Variants in USP45 observed in about 807,000 individuals in gnomAD.
The protein encoded by USP45 is ubiquitin carboxyl-terminal hydrolase 45.
USP45 carries 89 observed loss-of-function variants against 95.8 expected under a neutral mutation model. The observed-to-expected ratio is 0.93, with a 90% CI of 0.78 to 1.11. USP45 has a LOEUF of 1.11. Ranked by LOEUF, USP45 falls within the 50% of genes least tolerant of loss-of-function variation. USP45 has a pLI of 0.00. For missense variants in USP45, 898 were observed against 942.5 expected (o/e 0.95, Z 0.62); for synonymous variants, 281 against 316.2 (o/e 0.89, Z 1.18).
intron 8 of USP45, among the ~76,000 whole-genome samples, chr6:99,481,214 T>C (rs926575052): frequency 2.0e-5 from 3 of 152,252 alleles, no homozygotes; most frequent in African/African-American, 4.8e-5. Context: ...GAGTAAGTTA[T>C]ACACACATGT....
chr6:99,466,984 A>G (rs2128636013), intron 10 of USP45, among the ~76,000 whole-genome samples: 2 of 152,300 alleles, frequency 1.3e-5, no homozygotes, highest in South Asian at 4.1e-4. Context: ...GAAATAATGA[A>G]CTATTCTTAA....
chr6:99,515,856 C>T (rs1216104557), upstream of USP45, among the ~76,000 whole-genome samples: 2 of 144,534 alleles, frequency 1.4e-5, no homozygotes, highest in Non-Finnish European at 3.0e-5. Context: ...CTCACTGCAA[C>T]CTCCGCCTAC....
At chr6:99,489,287 T>G (rs528621745) in intron 5 of USP45, among the ~76,000 whole-genome samples, 2 of 152,312 alleles carry the variant, frequency 1.3e-5, no homozygotes, top group East Asian at 3.9e-4. Context: ...ACAGGGATTT[T>G]GACCAGCTCG....
In USP45 at chr6:99,445,792, A is replaced by T. The variant is rs747733171; in HGVS notation, c.1975+5T>A. The T allele has an allele frequency of 6.5e-7, 1 of 1,541,284 alleles. No homozygotes were observed. Among genetic ancestry groups the T allele is most frequent in the South Asian group, 1.3e-5 (1 of 79,108 alleles). ...CAATAATTATGTAATTAAAAAAATA[A>T]TTACCTGCAAAACTGGTTTCTTCTT... On this transcript the variant is annotated splice_donor_5th_base_variant and intron_variant, in intron 14 of 17. Coordinates refer to ENST00000500704, the MANE Select transcript of USP45 (RefSeq NM_001346022.3).
intron 14 of USP45, among the ~76,000 whole-genome samples, chr6:99,444,596 G>A (rs907783791): frequency 6.6e-6 from 1 of 152,030 alleles, no homozygotes; most frequent in African/African-American, 2.4e-5. Context: ...CTTACACTCT[G>A]GGACACTATC....
intron 16 of USP45, 51 bp downstream of exon 16, chr6:99,439,718 C>G (rs1374696639): frequency 3.1e-6 from 4 of 1,309,988 alleles, no homozygotes. Context: ...ATATAGGATA[C>G]TTTCAAGCAT....
rs766826756 is a variant in USP45, at chr6:99,445,978, A to C, written c.1794T>G (p.Tyr598Ter). 3 of 1,614,076 alleles carry C rather than the reference A, an allele frequency of 1.9e-6. No homozygotes were observed. Among genetic ancestry groups the C allele is most frequent in the Middle Eastern group, 1.6e-4 (1 of 6,062 alleles). Reference protein sequence around the residue: ...CFLEGKHLRSYSPQNAFQTLS... With the variant: ...CFLEGKHLRS ...GGGTCTGAAAAGCATTTTGGGGACTATAAGACCTCAAATGCTTCCCCTCTA... is the reference window on the plus strand; with the variant it reads ...GGGTCTGAAAAGCATTTTGGGGACTCTAAGACCTCAAATGCTTCCCCTCTA... Residue 598 changes from tyrosine (Y) to a stop codon, truncating the protein, a stop_gained, in exon 14 of 18, where the codon TAT (tyrosine) becomes TAG (stop). Coordinates refer to ENST00000500704, the MANE Select transcript of USP45 (RefSeq NM_001346022.3). LOFTEE classifies it high-confidence loss of function.
Position 99,507,499 on chromosome 6 carries a change from T to C in USP45, c.306A>G (p.Ser102=), listed in dbSNP as rs760087296. The C allele has an allele frequency of 1.9e-6, 3 of 1,613,326 alleles. No individual in the cohort carries two copies. The highest frequency in any genetic ancestry group is 1.7e-6 in the Non-Finnish European group (2 of 1,179,590). Residue 102 remains serine (S), a synonymous_variant, in exon 4 of 18, where the codon TCA becomes TCG. Transcript: ENST00000500704. ...GCGKNSESQH[S]LKHFKSSRTE... is the part of the protein sequence containing the mutation. ...TTCTGGAACTCTTAAAGTGCTTCAATGAATGTTGGCTTTCTGAGTTTTTAC... is the reference window on the plus strand; with the variant it reads ...TTCTGGAACTCTTAAAGTGCTTCAACGAATGTTGGCTTTCTGAGTTTTTAC...
intron 7 of USP45, among the ~76,000 whole-genome samples, chr6:99,484,456 A>T (rs1391161436): frequency 6.6e-6 from 1 of 152,030 alleles, no homozygotes; most frequent in East Asian, 1.9e-4. Flanking sequence ...CTAGGGGATT[A>T]CAGGAATGAG....
At chr6:99,500,054 C>T (rs966526457) in intron 5 of USP45, among the ~76,000 whole-genome samples, 2 of 152,196 alleles carry the variant, frequency 1.3e-5, no homozygotes, top group African/African-American at 4.8e-5. Flanking sequence ...AAACAGATTA[C>T]TGCCTGGGGT....
chr6:99,457,172 T>C (rs11154864), intron 13 of USP45, among the ~76,000 whole-genome samples: 22,340 of 152,214 alleles, frequency 0.15, 2,361 homozygotes, highest in Non-Finnish European at 0.21. Flanking sequence ...ATTAGCAATT[T>C]TAATTTCACC....
intron 13 of USP45, among the ~76,000 whole-genome samples, chr6:99,450,576 C>G (rs182141644): frequency 6.6e-6 from 1 of 152,082 alleles, no homozygotes; most frequent in African/African-American, 2.4e-5. Flanking sequence ...GAGGACCAGA[C>G]GGATTCACAG....
chr6:99,507,362 T>A, intron 4 of USP45, 66 bp downstream of exon 4: 1 of 853,866 alleles, frequency 1.2e-6, no homozygotes, highest in Non-Finnish European at 1.8e-6. Context: ...CCTTAAAAGC[T>A]TAAAGAAAAA....
chr6:99,495,932 A>G (rs1401925836), intron 5 of USP45, among the ~76,000 whole-genome samples: 4 of 152,204 alleles, frequency 2.6e-5, no homozygotes, highest in Admixed American at 2.6e-4. Flanking sequence ...CTGAGAAAAT[A>G]GTCACTCTAA....
At chr6:99,447,756 G>A (rs1287854644) in intron 13 of USP45, among the ~76,000 whole-genome samples, 1 of 152,170 alleles carries the variant, frequency 6.6e-6, no homozygotes, top group African/African-American at 2.4e-5. Flanking sequence ...CCTCAAGTGG[G>A]TCCCTGACCT....
intron 4 of USP45, among the ~76,000 whole-genome samples, chr6:99,506,216 G>A (rs1455455631): frequency 1.3e-5 from 2 of 152,204 alleles, no homozygotes; most frequent in African/African-American, 4.8e-5. Context: ...GGAGTCCATA[G>A]ATTCAAGTTG....
intron 15 of USP45, among the ~76,000 whole-genome samples, chr6:99,440,824 C>A (rs1781382589): frequency 6.6e-6 from 1 of 152,112 alleles, no homozygotes; most frequent in Non-Finnish European, 1.5e-5. Context: ...AATTTCTTTG[C>A]CTTTTTCATC....
intron 8 of USP45, among the ~76,000 whole-genome samples, chr6:99,476,847 C>T (rs1791001186): frequency 6.6e-6 from 1 of 152,076 alleles, no homozygotes; most frequent in Non-Finnish European, 1.5e-5. Context: ...AGTTGATCTC[C>T]CTGTGAATAT....
chr6:99,488,473 A>G (rs1365542017), intron 6 of USP45, among the ~76,000 whole-genome samples, 178 bp from the exon 7 acceptor site: 1 of 152,196 alleles, frequency 6.6e-6, no homozygotes, highest in Non-Finnish European at 1.5e-5. Context: ...AGCCATGGTA[A>G]AATACACAGA....
Sources: allele counts gnomAD v4.1 joint callset (sites outside exome capture counted in the v4.1 genomes callset), GRCh38; gene constraint gnomAD v4.1.1; transcripts MANE v1.5; gene names NCBI Gene and HGNC (gene_info 2026-07-23, HGNC 2026-07-21).